ZNF658: variants seen among roughly 807,000 people sequenced by gnomAD.
ZNF658 encodes the protein zinc finger protein 658.
In ZNF658, 46 loss-of-function variants were observed where a neutral mutation model predicts 78.0. That is an observed-to-expected ratio of 0.59 (90% confidence interval 0.47 to 0.75). The LOEUF (loss-of-function observed/expected upper bound fraction) is 0.75. Ranked by LOEUF, ZNF658 falls within the 30% of genes least tolerant of loss-of-function variation. The pLI is 0.00. For synonymous variants in ZNF658, 279 were observed against 408.4 expected (o/e 0.68, Z 3.82); for missense variants, 785 against 1,189.3 (o/e 0.66, Z 5.00).
At chr9:66,922,293 G>C (rs945245475), downstream of ZNF658, among the ~76,000 whole-genome samples, 1 of 152,074 alleles carries the variant, frequency 6.6e-6, no homozygotes, top group Non-Finnish European at 1.5e-5. Context: ...GGCCCCTTCT[G>C]CTTCCCGGGT....
At chr9:66,902,060 G>A (rs182668732) in intron 1 of ZNF658, among the ~76,000 whole-genome samples, 38 of 152,102 alleles carry the variant, frequency 2.5e-4, no homozygotes, top group African/African-American at 7.2e-4. Flanking sequence ...TCGACTTGTA[G>A]CACTGGCCAA....
At chr9:66,903,349 T>A (rs944271677) in intron 1 of ZNF658, 169 bp from the exon 2 acceptor site, 1 of 451,718 alleles carries the variant, frequency 2.2e-6, no homozygotes, top group African/African-American at 2.0e-5. Context: ...GTGCGATGAT[T>A]TTTTTTTTTA....
At chr9:66,908,804 T>A in intron 4 of ZNF658, 70 bp downstream of exon 4, 3 of 1,202,590 alleles carry the variant, frequency 2.5e-6, no homozygotes, top group Non-Finnish European at 2.4e-6. Context: ...CCTTTGAAAG[T>A]TTTTTTGGAA....
chr9:66,920,515 A>G lies in ZNF658; in HGVS notation c.2949A>G (p.Ala983=), dbSNP rs755594075. 1 of 1,557,412 alleles carries G rather than the reference A, an allele frequency of 6.4e-7. No individual in the cohort carries two copies. The highest frequency in any genetic ancestry group is 8.7e-7 in the Non-Finnish European group (1 of 1,149,338). The change falls in exon 5 of 5, where the codon GCA becomes GCG. Residue 983 remains alanine (A), a synonymous_variant. Transcript: ENST00000621410. ...KTFSQKSHLS[A]HQRIHTGEKP... is the part of the protein sequence containing the mutation. ...TCTCCCAGAAATCACACCTTAGTGC[A>G]CACCAGAGAATTCACACAGGGGAGA...
intron 4 of ZNF658, among the ~76,000 whole-genome samples, chr9:66,915,392 A>G (rs1442452173): frequency 1.5e-5 from 2 of 136,928 alleles, no homozygotes; most frequent in African/African-American, 2.7e-5. Flanking sequence ...GTTTGCTTTT[A>G]TAGTTAAAAA....
At position 66,921,104 on chromosome 9, in the gene ZNF658, G is replaced by C. The variant is rs924091535; in HGVS notation, c.*358G>C. ...ACAATTCACTTCCAGGTCTTCATCA[G>C]GGTTTTGTTTTTGTTGCTTTAAAGC... On this transcript the variant is annotated 3_prime_UTR_variant, in exon 5 of 5. Transcript: ENST00000621410. 108 of 222,162 alleles carry C rather than the reference G, an allele frequency of 4.9e-4. No individual in the cohort carries two copies. Among genetic ancestry groups the C allele is most frequent in the Non-Finnish European group, 7.7e-4 (86 of 111,566 alleles). The allele number at this position is 222,162 out of a possible 1,614,324, so 13.8% of individuals were successfully genotyped here.
intron 2 of ZNF658, among the ~76,000 whole-genome samples, chr9:66,907,702 G>A (rs1016967062): frequency 3.7e-4 from 57 of 152,344 alleles, no homozygotes; most frequent in Middle Eastern, 3.4e-3. Flanking sequence ...TGTATTAAAT[G>A]GGTGTTGCTT....
intron 1 of ZNF658, among the ~76,000 whole-genome samples, chr9:66,901,957 G>C (rs1355321715): frequency 6.6e-6 from 1 of 152,086 alleles, no homozygotes; most frequent in Middle Eastern, 3.2e-3. Flanking sequence ...AGAAAAAAAA[G>C]TTTAGAATTT....
At chr9:66,902,070 A>G (rs532888430) in intron 1 of ZNF658, among the ~76,000 whole-genome samples, 1 of 152,092 alleles carries the variant, frequency 6.6e-6, no homozygotes, top group East Asian at 1.9e-4. Flanking sequence ...GCACTGGCCA[A>G]ACTTCAGGTG....
chr9:66,918,242 G>T lies in ZNF658; in HGVS notation c.676G>T (p.Asp226Tyr), dbSNP rs1230137263. Residue 226 changes from aspartate to tyrosine, a missense_variant, in exon 5 of 5, where the codon GAT (aspartate) becomes TAT (tyrosine). By Grantham distance (160) the Asp-to-Tyr change is radical. Coordinates refer to ENST00000621410, the MANE Select transcript of ZNF658 (RefSeq NM_033160.7). ...ECDGSGQGLY[D>Y]KTICITPQSF... Reference sequence around the variant, plus strand: ...TGATGGATCTGGACAAGGTTTATATGATAAGACAATTTGTATTACACCTCA... The same window carrying T: ...TGATGGATCTGGACAAGGTTTATATTATAAGACAATTTGTATTACACCTCA... 3 of 1,605,916 alleles carry T rather than the reference G, an allele frequency of 1.9e-6. No individual in the cohort carries two copies. The South Asian group carries it at 3.4e-5, about 18-fold the overall frequency.
Position 66,918,804 on chromosome 9 carries a change from A to G in ZNF658, c.1238A>G (p.Gln413Arg). 6.2e-7 allele frequency: 1 copy of G among 1,613,682 alleles called. No homozygotes were observed. Among genetic ancestry groups the G allele is most frequent in the Non-Finnish European group, 8.5e-7 (1 of 1,179,810 alleles). ...CCCCACTCAGGAGAGAAAACTTACC[A>G]ATATGAGGAATGTGCAAAATCCTTT... Reference protein sequence around the residue: ...QRPHSGEKTYQYEECAKSFCS... With the variant: ...QRPHSGEKTYRYEECAKSFCS... The change falls in exon 5 of 5, where the codon CAA (glutamine) becomes CGA (arginine). Residue 413 changes from glutamine to arginine, a missense_variant. Coordinates refer to ENST00000621410, the MANE Select transcript of ZNF658 (RefSeq NM_033160.7).
intron 2 of ZNF658, among the ~76,000 whole-genome samples, chr9:66,906,990 GTCT>G (rs1237581780): frequency 6.6e-6 from 1 of 151,682 alleles, no homozygotes; most frequent in Non-Finnish European, 1.5e-5. Context: ...TGAATTTGAA[GTCT>G]TCTTGTTGTG....
rs1161987246 is a variant in ZNF658, at chr9:66,917,975, T to C, written c.409T>C (p.Cys137Arg). 5 of 1,603,462 alleles carry C rather than the reference T, an allele frequency of 3.1e-6. No individual in the cohort carries two copies. Among genetic ancestry groups the C allele is most frequent in the African/African-American group, 1.4e-5 (1 of 73,918 alleles). Residue 137 changes from cysteine (C) to arginine (R), a missense_variant, in exon 5 of 5, where the codon TGT becomes CGT. Cys to Arg is a radical substitution (Grantham distance 180, BLOSUM62 -3). This residue lies in a region of ZNF658 where 54 missense variants were observed against 48.9 expected (regional missense o/e 1.10). Transcript: ENST00000621410. ...TCCAGAGCTTTCAGAAAAAATATCC[T>C]GTAAATGTGACTCACACAGAATGAA... ...IAPELSEKIS[C>R]KCDSHRMNLP...
At chr9:66,908,423 C>T in intron 3 of ZNF658, 59 bp downstream of exon 3, 1 of 1,611,522 alleles carries the variant, frequency 6.2e-7, no homozygotes, top group Non-Finnish European at 8.5e-7. Flanking sequence ...TAAAAAGTAT[C>T]AAAACACATG....
intron 4 of ZNF658, among the ~76,000 whole-genome samples, chr9:66,912,873 CT>C (rs1822245811): frequency 6.6e-6 from 1 of 150,648 alleles, no homozygotes; most frequent in South Asian, 2.1e-4. Flanking sequence ...TGGCAAAACC[CT>C]GTCTCTACTA....
intron 1 of ZNF658, 118 bp downstream of exon 1, chr9:66,900,954 TC>T (rs1821938888): frequency 6.6e-6 from 1 of 151,684 alleles, no homozygotes; most frequent in Admixed American, 6.6e-5. Context: ...TCCCCTCTCC[TC>T]CCCGGCCCAG....
intron 4 of ZNF658, among the ~76,000 whole-genome samples, chr9:66,909,179 G>C (rs1020233431): frequency 1.7e-4 from 26 of 152,016 alleles, no homozygotes; most frequent in African/African-American, 6.3e-4. Flanking sequence ...GGGGATGACT[G>C]TATATGCAGA....
rs373849164 is a variant in ZNF658 at position 66,904,359 on chromosome 9, G to A, written c.15+783G>A. Among the ~76,000 whole-genome samples the A allele has an allele frequency of 8.0e-4, 121 of 151,626 alleles. 1 individual carries two copies. Among genetic ancestry groups the A allele is most frequent in the East Asian group, 5.8e-4 (3 of 5,130 alleles). Reference sequence around the variant, plus strand: ...TCTCACTCTGTCCTGGAACATTTCCGTTAGTGATACTTGCCCCTCACTGGT... The same window carrying A: ...TCTCACTCTGTCCTGGAACATTTCCATTAGTGATACTTGCCCCTCACTGGT... On this transcript the variant is annotated intron_variant, in intron 2 of 4. Transcript: ENST00000621410.
At chr9:66,910,833 T>G (rs1822199247) in intron 4 of ZNF658, among the ~76,000 whole-genome samples, 1 of 143,746 alleles carries the variant, frequency 7.0e-6, no homozygotes, top group African/African-American at 2.6e-5. Flanking sequence ...GTAAAGTTGT[T>G]GAGTCAATAA....
Sources: gnomAD v4.1 joint callset for allele counts (sites outside exome capture counted in the v4.1 genomes callset) on GRCh38, gnomAD v4.1.1 for gene constraint, gnomAD v4.1.1 regional missense constraint, MANE v1.5 for transcripts, NCBI Gene and HGNC (gene_info 2026-07-23, HGNC 2026-07-21) for gene names.